RANBP2: variants seen among roughly 807,000 people sequenced by gnomAD.
RANBP2 encodes E3 SUMO-protein ligase RanBP2.
RANBP2 carries 57 observed loss-of-function variants against 303.6 expected under a neutral mutation model. That is an observed-to-expected ratio of 0.19 (90% CI 0.15 to 0.23). RANBP2 has a LOEUF of 0.23. RANBP2 is among the 10% of genes least tolerant of loss of function. The pLI is 1.00. For missense variants in RANBP2, 3,138 were observed against 3,780.8 expected (o/e 0.83, Z 4.46); for synonymous variants, 1,167 against 1,301.5 (o/e 0.90, Z 2.23).
the RANBP2 span, among the ~76,000 whole-genome samples, chr2:109,292,933 T>A: frequency 6.6e-6 from 1 of 152,292 alleles, no homozygotes; most frequent in East Asian, 1.9e-4. Flanking sequence ...GGTTTCACCA[T>A]GTTGGTCAGG....
chr2:109,407,929 A>G, the RANBP2 span, among the ~76,000 whole-genome samples: 1 of 152,184 alleles, frequency 6.6e-6, no homozygotes. Flanking sequence ...ATCACAGTGC[A>G]GGGTGCTGGC....
At chr2:108,898,097 CA>C in the RANBP2 span, among the ~76,000 whole-genome samples, 1 of 152,190 alleles carries the variant, frequency 6.6e-6, no homozygotes, top group African/African-American at 2.4e-5. Context: ...GCCTAGCAAG[CA>C]TAAAACATTT....
At chr2:109,042,673 T>C in the RANBP2 span, among the ~76,000 whole-genome samples, 7 of 152,316 alleles carry the variant, frequency 4.6e-5, no homozygotes, top group African/African-American at 1.7e-4. Context: ...CTCAAACAGA[T>C]TTAAAAAATA....
chr2:109,006,316 C>A, the RANBP2 span, among the ~76,000 whole-genome samples: 2 of 152,088 alleles, frequency 1.3e-5, no homozygotes, highest in Non-Finnish European at 2.9e-5. Context: ...GCCTCAGCCT[C>A]CCAAGTAGCT....
rs1677164912 is a variant in RANBP2 at position 108,767,049 on chromosome 2, T to G, written c.6510T>G (p.Ala2170=). 1.2e-6 allele frequency: 2 copies of G among 1,610,612 alleles called. No homozygotes were observed. The highest frequency in any genetic ancestry group is 2.7e-5 in the African/African-American group (2 of 74,854). ...GAGCTGCCAAGTTAATACAGAGAGCTGAAGAAATGAAGAGTGGACTGAAAG... is the reference window on the plus strand; with the variant it reads ...GAGCTGCCAAGTTAATACAGAGAGCGGAAGAAATGAAGAGTGGACTGAAAG... The part of the protein sequence containing the change: ...TGRAAKLIQR[A]EEMKSGLKDF... Residue 2170 remains alanine, a synonymous_variant, in exon 20 of 29, where the codon GCT becomes GCG. Coordinates refer to ENST00000283195, the MANE Select transcript of RANBP2 (RefSeq NM_006267.5).
At chr2:109,592,613 T>A in the RANBP2 span, among the ~76,000 whole-genome samples, 1 of 151,104 alleles carries the variant, frequency 6.6e-6, no homozygotes, top group African/African-American at 2.4e-5. Context: ...ACCCCATCTC[T>A]ACTAAAATAC....
chr2:108,771,431 TC>T, intron 20 of RANBP2, among the ~76,000 whole-genome samples: 1 of 152,302 alleles, frequency 6.6e-6, no homozygotes, highest in South Asian at 2.1e-4. Context: ...GTAATTCTTT[TC>T]AATGACTATT....
the RANBP2 span, among the ~76,000 whole-genome samples, chr2:109,650,133 C>T: frequency 1.3e-5 from 2 of 152,108 alleles, no homozygotes; most frequent in Non-Finnish European, 2.9e-5. Context: ...AAACAAAAGT[C>T]GCTGAGATGA....
At chr2:109,140,131 C>G in the RANBP2 span, among the ~76,000 whole-genome samples, 22 of 152,280 alleles carry the variant, frequency 1.4e-4, 1 homozygote, top group South Asian at 2.3e-3. Flanking sequence ...TCCACCGTCC[C>G]CTCCTGCACC....
chr2:109,146,246 A>G, the RANBP2 span, among the ~76,000 whole-genome samples: 1 of 152,210 alleles, frequency 6.6e-6, no homozygotes, highest in Non-Finnish European at 1.5e-5. Flanking sequence ...GGCTGCTCTT[A>G]TAGCCAGATT....
At chr2:109,006,660 T>C in the RANBP2 span, among the ~76,000 whole-genome samples, 1 of 152,058 alleles carries the variant, frequency 6.6e-6, no homozygotes, top group Non-Finnish European at 1.5e-5. Context: ...AAAGACTAAA[T>C]CCCCGAAGTC....
the RANBP2 span, among the ~76,000 whole-genome samples, chr2:109,611,514 T>C: frequency 6.6e-6 from 1 of 151,784 alleles, no homozygotes; most frequent in Non-Finnish European, 1.5e-5. Context: ...AGGCAACATG[T>C]TGGGAGGCTG....
chr2:109,520,598 CAAAAAAAAAAAA>C, the RANBP2 span, among the ~76,000 whole-genome samples: 1 of 50,100 alleles, frequency 2.0e-5, no homozygotes, highest in Non-Finnish European at 4.0e-5. Flanking sequence ...GACTCCATCT[CAAAAAAAAAAAA>C]AAAAAAAAAA....
chr2:109,043,979 C>T, the RANBP2 span, among the ~76,000 whole-genome samples: 6 of 151,984 alleles, frequency 3.9e-5, no homozygotes, highest in African/African-American at 1.4e-4. Flanking sequence ...GCCAGGCTGG[C>T]GTGGATGATG....
At chr2:109,420,594 A>C in the RANBP2 span, among the ~76,000 whole-genome samples, 1,021 of 152,158 alleles carry the variant, frequency 6.7e-3, 2 homozygotes, top group Non-Finnish European at 0.011. Flanking sequence ...TACAGGTGCC[A>C]GCCACCACGC....
the RANBP2 span, among the ~76,000 whole-genome samples, chr2:109,366,481 C>A: frequency 0.13 from 20,351 of 152,134 alleles, 1,481 homozygotes; most frequent in Middle Eastern, 0.24. Context: ...TGTATGTGTG[C>A]ATATATACGT....
chr2:109,202,393 C>G, the RANBP2 span, among the ~76,000 whole-genome samples: 2 of 152,182 alleles, frequency 1.3e-5, no homozygotes, highest in Admixed American at 1.3e-4. Context: ...GAAGGGACAC[C>G]TAATTGCCCG....
chr2:108,943,852 G>A, the RANBP2 span, among the ~76,000 whole-genome samples: 3 of 152,342 alleles, frequency 2.0e-5, no homozygotes, highest in Middle Eastern at 6.8e-3. Context: ...GCTGAGCAGA[G>A]ACTAGAATTC....
At chr2:108,829,528 T>C in the RANBP2 span, among the ~76,000 whole-genome samples, 1 of 152,192 alleles carries the variant, frequency 6.6e-6, no homozygotes, top group South Asian at 2.1e-4. Flanking sequence ...GGCGGGTCAC[T>C]TGAGGTCAGG....
Sources: allele counts gnomAD v4.1 joint callset (sites outside exome capture counted in the v4.1 genomes callset), GRCh38; gene constraint gnomAD v4.1.1; transcripts MANE v1.5; gene names NCBI Gene and HGNC (gene_info 2026-07-23, HGNC 2026-07-21).